PPP1R9A: variants seen among roughly 807,000 people sequenced by gnomAD.
The protein encoded by PPP1R9A is neurabin-1.
A neutral mutation model predicts 141.9 loss-of-function variants in PPP1R9A; 59 were observed. The ratio of observed to expected loss-of-function variants is 0.42; its 90% confidence interval spans 0.34 to 0.52. The LOEUF (loss-of-function observed/expected upper bound fraction) is 0.52, where lower values mean the gene tolerates loss of function less well. Among genes scored for constraint, PPP1R9A ranks in the 20% least tolerant of loss-of-function variants. The pLI, the probability that PPP1R9A is intolerant of heterozygous loss-of-function variation, is 0.10. For synonymous variants in PPP1R9A, 500 were observed against 569.7 expected (o/e 0.88, Z 1.74); for missense variants, 1,444 against 1,611.9 (o/e 0.90, Z 1.78).
intron 18 of PPP1R9A, chr7:95,287,075 TTTC>T (rs1280349341): frequency 6.9e-6 from 11 of 1,596,096 alleles, no homozygotes; most frequent in South Asian, 3.3e-5. Flanking sequence ...CTGTAACACT[TTTC>T]TTCTTGATTC....
intron 2 of PPP1R9A, among the ~76,000 whole-genome samples, chr7:94,999,884 C>T (rs1350339280): frequency 1.3e-5 from 2 of 151,812 alleles, no homozygotes; most frequent in African/African-American, 4.8e-5. Context: ...TCTTGGCAAC[C>T]TCGGACTGCC....
At chr7:95,061,464 G>A (rs1274086645) in intron 2 of PPP1R9A, among the ~76,000 whole-genome samples, 4 of 152,126 alleles carry the variant, frequency 2.6e-5, no homozygotes, top group Admixed American at 6.5e-5. Context: ...CGCTGGACGC[G>A]GTGGCTCATG....
chr7:95,248,785 T>G (rs1798487979), intron 9 of PPP1R9A, among the ~76,000 whole-genome samples: 1 of 152,198 alleles, frequency 6.6e-6, no homozygotes, highest in South Asian at 2.1e-4. Flanking sequence ...TATGATTCTT[T>G]ATTATTCATT....
intron 12 of PPP1R9A, among the ~76,000 whole-genome samples, chr7:95,263,035 C>T (rs1800673064): frequency 6.6e-6 from 1 of 152,098 alleles, no homozygotes; most frequent in South Asian, 2.1e-4. Flanking sequence ...GCAAGCCAGG[C>T]AGACAATCAC....
At chr7:95,199,709 G>A (rs1243223826) in intron 6 of PPP1R9A, among the ~76,000 whole-genome samples, 1 of 152,078 alleles carries the variant, frequency 6.6e-6, no homozygotes, top group Non-Finnish European at 1.5e-5. Flanking sequence ...CATTTGAAAT[G>A]GCAAGTATAT....
At chr7:95,168,948 A>C (rs1303125159) in intron 5 of PPP1R9A, among the ~76,000 whole-genome samples, 1 of 152,108 alleles carries the variant, frequency 6.6e-6, no homozygotes, top group Non-Finnish European at 1.5e-5. Context: ...GATATAAGTT[A>C]ATACAGTCAT....
intron 2 of PPP1R9A, among the ~76,000 whole-genome samples, chr7:94,951,500 A>G (rs1195700970): frequency 1.3e-5 from 2 of 152,182 alleles, no homozygotes; most frequent in African/African-American, 4.8e-5. Context: ...AGATATAATC[A>G]TATAAGATTT....
At chr7:95,066,273 T>G (rs1812936725) in intron 2 of PPP1R9A, among the ~76,000 whole-genome samples, 1 of 152,230 alleles carries the variant, frequency 6.6e-6, no homozygotes, top group Admixed American at 6.5e-5. Context: ...AAACCTACCC[T>G]GCCAACACCT....
rs556210623 is a variant in PPP1R9A, at chr7:95,033,215, C to T, written c.1396-78044C>T. 4.5e-4 allele frequency among the ~76,000 whole-genome samples: 66 copies of T among 145,570 alleles called. 1 individual carries two copies. In the East Asian group the frequency reaches 7.3e-3, roughly 16 times the overall value. ...TTTTTTAGTAGAGACGGGTTTTCAC[C>T]GTGTTAGCCAGGATGGTCTCGATCT... is the stretch of plus-strand genomic sequence containing the variant. On this transcript the variant is annotated intron_variant, in intron 2 of 19. Coordinates refer to ENST00000433360, the MANE Select transcript of PPP1R9A (RefSeq NM_001166160.2).
chr7:95,136,297 ATTAAATTATG>A (rs1458370298), intron 4 of PPP1R9A, among the ~76,000 whole-genome samples: 1 of 152,132 alleles, frequency 6.6e-6, no homozygotes, highest in Non-Finnish European at 1.5e-5. Context: ...ACAACTAAAT[ATTAAATTATG>A]TGGTTGGGCA....
At chr7:94,998,582 G>T (rs556749511) in intron 2 of PPP1R9A, among the ~76,000 whole-genome samples, 1 of 152,018 alleles carries the variant, frequency 6.6e-6, no homozygotes, top group Non-Finnish European at 1.5e-5. Flanking sequence ...ATTAATCTTT[G>T]TATGGCGCAT....
intron 2 of PPP1R9A, among the ~76,000 whole-genome samples, chr7:95,052,037 G>A (rs1459140488): frequency 3.3e-5 from 5 of 151,834 alleles, no homozygotes; most frequent in South Asian, 2.1e-4. Flanking sequence ...ATGGGGTTTC[G>A]CCGAGTTGGC....
At chr7:95,289,499 A>C (rs1018533982) in intron 19 of PPP1R9A, among the ~76,000 whole-genome samples, 2 of 152,236 alleles carry the variant, frequency 1.3e-5, no homozygotes, top group African/African-American at 4.8e-5. Context: ...CATTTAAAGT[A>C]CATAAGCAAC....
chr7:94,983,187 A>G (rs1048777107), intron 2 of PPP1R9A, among the ~76,000 whole-genome samples: 4 of 152,108 alleles, frequency 2.6e-5, no homozygotes, highest in Non-Finnish European at 4.4e-5. Flanking sequence ...CTATTGGTCT[A>G]TATCTCTGTT....
chr7:95,282,340 G>C (rs1804417852), intron 16 of PPP1R9A, among the ~76,000 whole-genome samples: 2 of 152,052 alleles, frequency 1.3e-5, no homozygotes, highest in Admixed American at 1.3e-4. Context: ...TCAAAAAAAA[G>C]AAAACAGAAG....
At chr7:95,070,985 A>C (rs1043984933) in intron 2 of PPP1R9A, among the ~76,000 whole-genome samples, 3 of 151,940 alleles carry the variant, frequency 2.0e-5, no homozygotes, top group Non-Finnish European at 4.4e-5. Flanking sequence ...TTTTGTGAGA[A>C]TATCAAGGGG....
At chr7:94,968,850 T>C (rs955077997) in intron 2 of PPP1R9A, among the ~76,000 whole-genome samples, 1 of 152,054 alleles carries the variant, frequency 6.6e-6, no homozygotes, top group African/African-American at 2.4e-5. Flanking sequence ...TTTTGATTCT[T>C]TTTTCTCTAA....
At chr7:95,213,413 C>CG (rs1420040966) in intron 7 of PPP1R9A, among the ~76,000 whole-genome samples, 1 of 140,982 alleles carries the variant, frequency 7.1e-6, no homozygotes, top group East Asian at 2.2e-4. Context: ...CTCTGCCTTA[C>CG]GGGTTCAAGC....
At chr7:95,234,648 C>T (rs1796433127) in intron 8 of PPP1R9A, among the ~76,000 whole-genome samples, 1 of 152,024 alleles carries the variant, frequency 6.6e-6, no homozygotes, top group Non-Finnish European at 1.5e-5. Context: ...AAAATACCAC[C>T]ATCATTCTTC....
Sources: allele counts gnomAD v4.1 joint callset (sites outside exome capture counted in the v4.1 genomes callset), GRCh38; gene constraint gnomAD v4.1.1; transcripts MANE v1.5; gene names NCBI Gene and HGNC (gene_info 2026-07-23, HGNC 2026-07-21).